FILIP1: variants seen among roughly 807,000 people sequenced by gnomAD.
FILIP1 encodes the protein filamin A interacting protein 1.
In FILIP1, 61 loss-of-function variants were observed where a neutral mutation model predicts 102.1. That is an observed-to-expected ratio of 0.60 (90% confidence interval 0.49 to 0.74). The LOEUF (loss-of-function observed/expected upper bound fraction) is 0.74. Among genes scored for constraint, FILIP1 ranks in the 30% least tolerant of loss-of-function variants. The probability of loss-of-function intolerance (pLI) is 0.00; values close to 1 mark genes in which losing one functional copy is unlikely to be tolerated. For missense variants in FILIP1, 1,314 were observed against 1,441.2 expected, an observed-to-expected ratio of 0.91 and a Z score of 1.43; for synonymous variants, 491 against 526.9, an observed-to-expected ratio of 0.93 and a Z score of 0.93.
intron 1 of FILIP1, among the ~76,000 whole-genome samples, chr6:75,451,482 A>G (rs1243034343): frequency 6.6e-6 from 1 of 152,088 alleles, no homozygotes; most frequent in Non-Finnish European, 1.5e-5. Context: ...ATCAAAGTGC[A>G]TTTAGAAAAA....
In FILIP1 at chr6:75,414,895, A is replaced by G. The variant is rs141844194; in HGVS notation, c.78T>C (p.Asn26=). The G allele has an allele frequency of 3.2e-4, 512 of 1,613,868 alleles. No homozygotes were observed. The highest frequency in any genetic ancestry group is 6.6e-4 in the Middle Eastern group (4 of 6,060). Residue 26 remains asparagine, a synonymous_variant, in exon 2 of 6, where the codon AAT becomes AAC. Coordinates refer to ENST00000237172, the MANE Select transcript of FILIP1 (RefSeq NM_015687.5). ...CTTCTGAGAGACTTTTTTCACCAGC[A>G]TTGCCGATGATGGAGGGCTTGGGAC... is the stretch of plus-strand genomic sequence containing the variant. ...ISCPKPSIIG[N]AGEKSLSEDA...
At chr6:75,491,276 G>A (rs1391718926) in intron 1 of FILIP1, among the ~76,000 whole-genome samples, 1 of 152,108 alleles carries the variant, frequency 6.6e-6, no homozygotes, top group Non-Finnish European at 1.5e-5. Context: ...CTGAGTATGT[G>A]TTTGGAGAAT....
Position 75,308,147 on chromosome 6 carries a change from G to C in FILIP1, c.*544C>G. The C allele has an allele frequency of 3.0e-6, 3 of 986,336 alleles. No homozygotes were observed. Among genetic ancestry groups the C allele is most frequent in the Non-Finnish European group, 3.6e-6 (3 of 830,344 alleles). 61.1% of individuals were successfully genotyped at this position (986,336 alleles called of 1,614,324 possible). Reference sequence around the variant, plus strand: ...CACATTATTTCCTGAAATCATCTTAGAACCTTTTGTTTTTGCAAAATTTTA... The same window carrying C: ...CACATTATTTCCTGAAATCATCTTACAACCTTTTGTTTTTGCAAAATTTTA... On this transcript the variant is annotated 3_prime_UTR_variant, in exon 6 of 6. Coordinates refer to ENST00000237172, the MANE Select transcript of FILIP1 (RefSeq NM_015687.5).
At chr6:75,322,492 G>A (rs1773696366) in intron 4 of FILIP1, among the ~76,000 whole-genome samples, 1 of 152,106 alleles carries the variant, frequency 6.6e-6, no homozygotes, top group Non-Finnish European at 1.5e-5. Context: ...TTAGTACCCT[G>A]ATTCCCATCA....
At chr6:75,487,347 C>T (rs1221025750) in intron 1 of FILIP1, among the ~76,000 whole-genome samples, 4 of 152,086 alleles carry the variant, frequency 2.6e-5, no homozygotes, top group Middle Eastern at 3.2e-3. Flanking sequence ...CAAATACAGG[C>T]GCAGGGCATC....
intron 1 of FILIP1, among the ~76,000 whole-genome samples, chr6:75,439,303 T>C (rs1363237876): frequency 6.6e-6 from 1 of 151,942 alleles, no homozygotes; most frequent in Admixed American, 6.6e-5. Flanking sequence ...AAGGCAGAGG[T>C]TGCGGTGAGC....
intron 1 of FILIP1, among the ~76,000 whole-genome samples, chr6:75,488,297 G>T (rs1779852847): frequency 6.6e-6 from 1 of 152,100 alleles, no homozygotes; most frequent in African/African-American, 2.4e-5. Flanking sequence ...CTCAATTCAT[G>T]TATGACTTTC....
chr6:75,294,210 G>A (rs1772611273), exon 7 of FILIP1: 1 of 152,286 alleles, frequency 6.6e-6, no homozygotes, highest in South Asian at 2.1e-4. Context: ...GGATGCCCGT[G>A]TGTGGGCTTC....
At chr6:75,358,983 C>G (rs1447008915) in intron 3 of FILIP1, among the ~76,000 whole-genome samples, 1 of 150,156 alleles carries the variant, frequency 6.7e-6, no homozygotes, top group African/African-American at 2.5e-5. Flanking sequence ...GCTGGGATTA[C>G]AGGCGTGAGC....
At chr6:75,414,329 C>T (rs1777178750) in intron 2 of FILIP1, among the ~76,000 whole-genome samples, 1 of 151,934 alleles carries the variant, frequency 6.6e-6, no homozygotes, top group African/African-American at 2.4e-5. Flanking sequence ...TTGACCTGAA[C>T]TCTCCATTTT....
Position 75,313,671 on chromosome 6 carries a change from T to G in FILIP1, c.2161A>C (p.Lys721Gln), listed in dbSNP as rs1773301708. The part of the protein sequence containing the change: ...RLEEAKSRDL[K>Q]AEVQALKEKI... ...TCTTTAAGAGCTTGTACTTCGGCTT[T>G]TAAGTCTCGACTTTTAGCTTCTTCC... Residue 721 changes from lysine to glutamine, a missense_variant, in exon 5 of 6, where the codon AAA becomes CAA. Lys to Gln is a moderately conservative substitution (Grantham distance 53). Coordinates refer to ENST00000237172, the MANE Select transcript of FILIP1 (RefSeq NM_015687.5). This position sits in a 1 kb window ranked among gnomAD's most constrained non-coding sequence, Gnocchi z 4.2. 6.4e-7 allele frequency: 1 copy of G among 1,568,472 alleles called. No homozygotes were observed. The highest frequency in any genetic ancestry group is 8.6e-7 in the Non-Finnish European group (1 of 1,163,030).
chr6:75,454,401 A>G (rs1213384560), intron 1 of FILIP1, among the ~76,000 whole-genome samples: 1 of 152,124 alleles, frequency 6.6e-6, no homozygotes, highest in Non-Finnish European at 1.5e-5. Context: ...TCTGCTTTTA[A>G]AGATGCATGG....
intron 4 of FILIP1, among the ~76,000 whole-genome samples, chr6:75,337,334 T>G (rs887763802): frequency 1.3e-5 from 2 of 152,182 alleles, no homozygotes; most frequent in Non-Finnish European, 2.9e-5. Context: ...CTGGTTGCCA[T>G]GAAGCATCAT....
At chr6:75,307,972 G>A, downstream of FILIP1, 1 of 892,448 alleles carries the variant, frequency 1.1e-6, no homozygotes, top group Non-Finnish European at 1.3e-6. Context: ...TAGAGCACGA[G>A]TCTGACATTA....
intron 2 of FILIP1, among the ~76,000 whole-genome samples, chr6:75,407,617 A>G (rs932266606): frequency 6.6e-5 from 10 of 152,212 alleles, no homozygotes; most frequent in African/African-American, 2.2e-4. Context: ...TCAAGAGTCA[A>G]TGTGTCAATG....
At chr6:75,342,249 T>C (rs1774439421) in intron 4 of FILIP1, among the ~76,000 whole-genome samples, 1 of 152,220 alleles carries the variant, frequency 6.6e-6, no homozygotes, top group South Asian at 2.1e-4. Context: ...TGACTGCAGT[T>C]GAAGAGGTAA....
chr6:75,345,722 T>G (rs1301816346), intron 4 of FILIP1, among the ~76,000 whole-genome samples: 1 of 152,138 alleles, frequency 6.6e-6, no homozygotes, highest in African/African-American at 2.4e-5. Context: ...CGTCTTTTCC[T>G]TTTTGGACAC....
chr6:75,429,697 GC>G (rs1341888782), intron 1 of FILIP1, among the ~76,000 whole-genome samples: 1 of 152,160 alleles, frequency 6.6e-6, no homozygotes, highest in Non-Finnish European at 1.5e-5. Flanking sequence ...TAAGGAACAT[GC>G]CCTGGGGACC....
At position 75,430,078 on chromosome 6, in the gene FILIP1, G is replaced by C. The variant is rs573731393; in HGVS notation, c.-6-15100C>G. Reference sequence around the variant, plus strand: ...CCTGGTGGGAGGTGATTGGATCATGGGGGCATTTTCCCCCATGCTGTTCTC... The same window carrying C: ...CCTGGTGGGAGGTGATTGGATCATGCGGGCATTTTCCCCCATGCTGTTCTC... On this transcript the variant is annotated intron_variant, in intron 1 of 5. Transcript: ENST00000237172. 1.6e-4 allele frequency among the ~76,000 whole-genome samples: 24 copies of C among 152,216 alleles called. No homozygotes were observed. In the South Asian group the frequency reaches 3.1e-3, roughly 20 times the overall value.
Sources: allele counts gnomAD v4.1 joint callset (sites outside exome capture counted in the v4.1 genomes callset), GRCh38; gene constraint gnomAD v4.1.1; non-coding constraint Gnocchi (gnomAD v3.1); transcripts MANE v1.5; gene names NCBI Gene and HGNC (gene_info 2026-07-23, HGNC 2026-07-21).